TEX26: variants seen among roughly 807,000 people sequenced by gnomAD.
The protein encoded by TEX26 is testis expressed 26.
In TEX26, 34 loss-of-function variants were observed where a neutral mutation model predicts 35.3. The observed-to-expected ratio is 0.96, with a 90% confidence interval of 0.73 to 1.28. TEX26 has a LOEUF of 1.28. Among genes scored for constraint, TEX26 ranks in the 50% most tolerant of loss-of-function variants. The pLI, the probability that TEX26 is intolerant of heterozygous loss-of-function variation, is 0.00. For synonymous variants in TEX26, 136 were observed against 111.8 expected (o/e 1.22, Z -1.36); for missense variants, 371 against 330.1 (o/e 1.12, Z -0.96).
chr13:30,972,834 G>C (rs2138359848), intron 6 of TEX26, among the ~76,000 whole-genome samples: 1 of 152,304 alleles, frequency 6.6e-6, no homozygotes, highest in Middle Eastern at 3.4e-3. Flanking sequence ...GCAGGGTTTG[G>C]CCATGTTGGC....
Position 30,932,727 on chromosome 13 carries a change from T to TG in TEX26, c.15dup (p.Pro6AlafsTer18). On this transcript the variant is annotated frameshift_variant, in exon 1 of 7. Coordinates refer to ENST00000380473, the MANE Select transcript of TEX26 (RefSeq NM_152325.3). LOFTEE classifies it high-confidence loss of function. ...CCTCCTGGGGCAGAATGGAACAGCC[T>TG]GGGCCCAGGGCTCCGGATCCCTCTC... The TG allele has an allele frequency of 6.2e-7, 1 of 1,613,586 alleles. No homozygotes were observed. Among genetic ancestry groups the TG allele is most frequent in the East Asian group, 2.2e-5 (1 of 44,864 alleles).
chr13:30,944,208 T>G (rs1029503093), intron 2 of TEX26, among the ~76,000 whole-genome samples: 8 of 152,032 alleles, frequency 5.3e-5, no homozygotes, highest in African/African-American at 1.7e-4. Flanking sequence ...TTCCAAGAAT[T>G]TATTCATTTC....
At chr13:30,935,020 C>T (rs13378283) in intron 1 of TEX26, among the ~76,000 whole-genome samples, 48,852 of 152,158 alleles carry the variant, frequency 0.32, 9,147 homozygotes, top group Non-Finnish European at 0.42. Context: ...CTCCCAGGCA[C>T]AGGACCTGGG....
In TEX26 at chr13:30,966,324, A is replaced by C. The variant is rs757168253; in HGVS notation, c.572A>C (p.Lys191Thr). 1 of 1,613,992 alleles carries C rather than the reference A, an allele frequency of 6.2e-7. No homozygotes were observed. Among genetic ancestry groups the C allele is most frequent in the African/African-American group, 1.3e-5 (1 of 74,900 alleles). The change falls in exon 5 of 7, where the codon AAA becomes ACA. Residue 191 changes from lysine to threonine, a missense_variant. Coordinates refer to ENST00000380473, the MANE Select transcript of TEX26 (RefSeq NM_152325.3). ...CGAAGGAATTACCAAATTCCAGCTA[A>C]AATTCCTGAGCTTCAAGATTTCAGT... The part of the protein sequence containing the change: ...EFRRNYQIPA[K>T]IPELQDFSFK...
intron 6 of TEX26, 95 bp downstream of exon 6, chr13:30,969,141 G>T: frequency 9.2e-7 from 1 of 1,083,432 alleles, no homozygotes; most frequent in Non-Finnish European, 1.3e-6. Context: ...GGAGTTGAAT[G>T]CCCACAAAAA....
chr13:30,938,193 TGAGA>T (rs1953343174), intron 1 of TEX26, among the ~76,000 whole-genome samples: 1 of 151,162 alleles, frequency 6.6e-6, no homozygotes, highest in African/African-American at 2.4e-5. Context: ...ATATGAAGAG[TGAGA>T]GAATGACTGA....
chr13:30,937,854 G>C (rs116155019), intron 1 of TEX26, among the ~76,000 whole-genome samples: 1 of 152,170 alleles, frequency 6.6e-6, no homozygotes, highest in Non-Finnish European at 1.5e-5. Context: ...TTGGAAATGA[G>C]AGTCTGTTAA....
At chr13:30,968,796 C>T (rs1954622512) in intron 5 of TEX26, 89 bp from the exon 6 acceptor site, 2 of 1,254,034 alleles carry the variant, frequency 1.6e-6, no homozygotes, top group Non-Finnish European at 1.1e-6. Context: ...GGGCTGGGGG[C>T]TGTCAGGGTC....
Position 30,969,709 on chromosome 13 carries a change from C to T in TEX26, c.808+663C>T, listed in dbSNP as rs932947348. On this transcript the variant is annotated intron_variant, in intron 6 of 6. Transcript: ENST00000380473. ...CATCCTACGTGAGGGATCACACACC[C>T]CCTATTCCCCCTCATTTGTGAGTAC... is the stretch of plus-strand genomic sequence containing the variant. Among the ~76,000 whole-genome samples the T allele has an allele frequency of 5.9e-5, 9 of 152,202 alleles. No homozygotes were observed. In the East Asian group the frequency reaches 1.7e-3, roughly 29 times the overall value.
intron 2 of TEX26, among the ~76,000 whole-genome samples, chr13:30,944,245 T>C (rs1953618418): frequency 6.6e-6 from 1 of 151,890 alleles, no homozygotes; most frequent in Non-Finnish European, 1.5e-5. Flanking sequence ...TTGAGTGCAT[T>C]GAGGTGCTCA....
intron 2 of TEX26, among the ~76,000 whole-genome samples, chr13:30,947,314 T>G (rs930288734): frequency 6.6e-6 from 1 of 152,120 alleles, no homozygotes; most frequent in African/African-American, 2.4e-5. Flanking sequence ...CAGCATCAAT[T>G]TTTTCTGCTT....
rs763010465 is a variant in TEX26, at chr13:30,939,729, A to G, written c.97A>G (p.Met33Val). Residue 33 changes from methionine to valine, a missense_variant, in exon 2 of 7, where the codon ATG (methionine) becomes GTG (valine). Physicochemically the swap from Met to Val is conservative, Grantham distance 21 (BLOSUM62 1). Transcript: ENST00000380473. ...DPNWDSYATT[M>V]RTAFTPKTGA... ...CAACTGGGATTCCTATGCTACCACT[A>G]TGAGGACTGCATTCACGCCTAAAAC... The G allele has an allele frequency of 6.2e-7, 1 of 1,614,122 alleles. No individual in the cohort carries two copies. The highest frequency in any genetic ancestry group is 8.5e-7 in the Non-Finnish European group (1 of 1,179,940).
At chr13:30,959,036 T>C (rs1954239431) in intron 4 of TEX26, among the ~76,000 whole-genome samples, 1 of 152,176 alleles carries the variant, frequency 6.6e-6, no homozygotes, top group Non-Finnish European at 1.5e-5. Context: ...TCAGGACTGG[T>C]GGTGTCTAGG....
chr13:30,974,723 G>A, intron 6 of TEX26, 123 bp from the exon 7 acceptor site: 1 of 921,332 alleles, frequency 1.1e-6, no homozygotes. Context: ...TATTATTTTG[G>A]TCTTACCAAA....
chr13:30,943,622 T>A lies in TEX26; in HGVS notation c.146+3844T>A, dbSNP rs553830234. Among the ~76,000 whole-genome samples the A allele has an allele frequency of 6.6e-5, 10 of 152,134 alleles. No homozygotes were observed. The South Asian group carries it at 2.1e-3, about 32-fold the overall frequency. On this transcript the variant is annotated intron_variant, in intron 2 of 6. Transcript: ENST00000380473. ...GTTTTGTCATAGATGGCTCTAATTT[T>A]TTTTAAGGTATATTCCTTAGACGTC...
intron 6 of TEX26, among the ~76,000 whole-genome samples, chr13:30,972,052 G>T (rs1363616338): frequency 6.6e-6 from 1 of 152,196 alleles, no homozygotes; most frequent in Non-Finnish European, 1.5e-5. Context: ...TCATTATCTG[G>T]TATGGGAGAT....
chr13:30,972,310 G>A (rs950534724), intron 6 of TEX26, among the ~76,000 whole-genome samples: 3 of 152,152 alleles, frequency 2.0e-5, no homozygotes, highest in South Asian at 2.1e-4. Flanking sequence ...ATAAAGATTG[G>A]TATCATTTGA....
intron 5 of TEX26, among the ~76,000 whole-genome samples, chr13:30,967,445 G>A (rs1374936197): frequency 3.9e-5 from 6 of 152,178 alleles, no homozygotes; most frequent in Non-Finnish European, 8.8e-5. Context: ...TGTAGCAGCT[G>A]TAATATTCCT....
intron 4 of TEX26, among the ~76,000 whole-genome samples, chr13:30,965,603 C>G (rs1387495462): frequency 6.6e-6 from 1 of 152,198 alleles, no homozygotes; most frequent in Non-Finnish European, 1.5e-5. Context: ...GTTTGTAACA[C>G]TGGCTTCAGT....
Sources: gnomAD v4.1 joint callset for allele counts (sites outside exome capture counted in the v4.1 genomes callset) on GRCh38, gnomAD v4.1.1 for gene constraint, MANE v1.5 for transcripts, NCBI Gene and HGNC (gene_info 2026-07-23, HGNC 2026-07-21) for gene names.